PALLD: variants seen among roughly 807,000 people sequenced by gnomAD.
The protein encoded by PALLD is palladin, cytoskeletal associated protein, also known as palladin.
A neutral mutation model predicts 123.5 loss-of-function variants in PALLD; 61 were observed. The ratio of observed to expected loss-of-function variants is 0.49; its 90% CI spans 0.40 to 0.61. The LOEUF is 0.61. PALLD is among the 20% of genes least tolerant of loss of function. The pLI is 0.00. For missense variants in PALLD, 1,273 were observed against 1,377.0 expected, an observed-to-expected ratio of 0.92 and a Z score of 1.20; for synonymous variants, 465 against 496.4, an observed-to-expected ratio of 0.94 and a Z score of 0.84.
intron 2 of PALLD, chr4:168,598,715 C>A: frequency 2.5e-6 from 1 of 393,338 alleles, no homozygotes; most frequent in South Asian, 2.1e-5. Flanking sequence ...CAAGCTGTAC[C>A]CTTGCCTCCT....
chr4:168,574,230 G>A (rs1468372626), intron 2 of PALLD, among the ~76,000 whole-genome samples: 1 of 151,962 alleles, frequency 6.6e-6, no homozygotes, highest in Non-Finnish European at 1.5e-5. Flanking sequence ...TACTTTCAGT[G>A]GGTACAATGG....
At chr4:168,692,578 G>T (rs942811331) in intron 8 of PALLD, among the ~76,000 whole-genome samples, 3 of 152,198 alleles carry the variant, frequency 2.0e-5, no homozygotes, top group Non-Finnish European at 4.4e-5. Context: ...CACATCTTGT[G>T]CATTTGCTAT....
intron 3 of PALLD, among the ~76,000 whole-genome samples, chr4:168,680,497 A>C (rs947068623): frequency 2.8e-5 from 4 of 142,646 alleles, no homozygotes; most frequent in East Asian, 2.0e-4. Flanking sequence ...AAAAAAAAAA[A>C]AAAAAAAAAA....
At chr4:168,599,455 A>T (rs1396827075) in intron 2 of PALLD, among the ~76,000 whole-genome samples, 1 of 152,230 alleles carries the variant, frequency 6.6e-6, no homozygotes, top group African/African-American at 2.4e-5. Context: ...TCACTGTTAC[A>T]GATAGACTGT....
chr4:168,857,856 C>G (rs1388798400), intron 10 of PALLD, among the ~76,000 whole-genome samples: 1 of 152,232 alleles, frequency 6.6e-6, no homozygotes, highest in African/African-American at 2.4e-5. Flanking sequence ...TACCATAACA[C>G]AGGCATATAT....
At chr4:168,809,581 G>A (rs1740765655) in intron 10 of PALLD, among the ~76,000 whole-genome samples, 1 of 152,166 alleles carries the variant, frequency 6.6e-6, no homozygotes, top group South Asian at 2.1e-4. Context: ...CCAGACGTGG[G>A]GCTGGGCACT....
intron 10 of PALLD, among the ~76,000 whole-genome samples, chr4:168,776,691 A>G (rs1735212669): frequency 6.6e-6 from 1 of 152,196 alleles, no homozygotes; most frequent in Non-Finnish European, 1.5e-5. Flanking sequence ...TAGTTCACTT[A>G]GAATTTTTTA....
chr4:168,546,723 C>T (rs1313563578), intron 2 of PALLD, among the ~76,000 whole-genome samples: 1 of 152,170 alleles, frequency 6.6e-6, no homozygotes, highest in Non-Finnish European at 1.5e-5. Context: ...TTGTCACTGT[C>T]CCACTTAAAA....
intron 2 of PALLD, among the ~76,000 whole-genome samples, chr4:168,527,089 T>C (rs1470325165): frequency 6.6e-6 from 1 of 152,098 alleles, no homozygotes; most frequent in Non-Finnish European, 1.5e-5. Flanking sequence ...CTGTGAAAAA[T>C]TGTGTGTACT....
In PALLD at chr4:168,711,661, A is replaced by G. The variant is rs1784850175; in HGVS notation, c.1702A>G (p.Ile568Val). The G allele has an allele frequency of 1.1e-5, 17 of 1,614,004 alleles. No homozygotes were observed. Among genetic ancestry groups the G allele is most frequent in the Non-Finnish European group, 1.4e-5 (17 of 1,179,970 alleles). Residue 568 changes from isoleucine to valine, a missense_variant, in exon 10 of 22, where the codon ATC (isoleucine) becomes GTC (valine). By Grantham distance (29) the Ile-to-Val change is conservative (BLOSUM62 3). Coordinates refer to ENST00000505667, the MANE Select transcript of PALLD (RefSeq NM_001166108.2). The stretch of plus-strand genomic sequence containing the variant: ...CCAACACTTTCCACCTCCCCCTCCA[A>G]TCTTGGAGACAAGTTCCTTGGAGTT... ...HFQHFPPPPP[I>V]LETSSLELAS... is the part of the protein sequence containing the mutation.
chr4:168,797,044 G>T (rs1738612685), intron 10 of PALLD, among the ~76,000 whole-genome samples: 1 of 152,088 alleles, frequency 6.6e-6, no homozygotes, highest in Non-Finnish European at 1.5e-5. Flanking sequence ...TCACCAAATT[G>T]AGTTGTCTCT....
chr4:168,505,941 T>C (rs1219178623), intron 1 of PALLD: 1 of 152,242 alleles, frequency 6.6e-6, no homozygotes, highest in African/African-American at 2.4e-5. Context: ...TACTCAACTC[T>C]GACATTGGTT....
chr4:168,806,116 G>A (rs1290218687), intron 10 of PALLD, among the ~76,000 whole-genome samples: 1 of 152,192 alleles, frequency 6.6e-6, no homozygotes, highest in African/African-American at 2.4e-5. Context: ...AGGCTGGAAT[G>A]CAATGGTGCA....
chr4:168,536,027 T>C (rs1206386502), intron 2 of PALLD, among the ~76,000 whole-genome samples: 1 of 152,252 alleles, frequency 6.6e-6, no homozygotes, highest in Non-Finnish European at 1.5e-5. Context: ...TATACTCCTT[T>C]ATTTGTTTTG....
At chr4:168,578,964 A>G (rs1161224827) in intron 2 of PALLD, among the ~76,000 whole-genome samples, 1 of 152,144 alleles carries the variant, frequency 6.6e-6, no homozygotes, top group African/African-American at 2.4e-5. Context: ...TGTATGTGTC[A>G]ATTTCTAGTT....
At chr4:168,559,322 T>C (rs1192069300) in intron 2 of PALLD, among the ~76,000 whole-genome samples, 1 of 152,130 alleles carries the variant, frequency 6.6e-6, no homozygotes, top group Non-Finnish European at 1.5e-5. Context: ...GAAGATCAGG[T>C]CAGTTTTGCT....
intron 2 of PALLD, among the ~76,000 whole-genome samples, chr4:168,664,875 A>G (rs1219972061): frequency 6.6e-6 from 1 of 152,044 alleles, no homozygotes. Flanking sequence ...TGTGTGTTTG[A>G]TCTATGATTG....
intron 10 of PALLD, among the ~76,000 whole-genome samples, chr4:168,733,314 T>C (rs1384384393): frequency 6.6e-6 from 1 of 152,216 alleles, no homozygotes; most frequent in Non-Finnish European, 1.5e-5. Flanking sequence ...TAAATAAAAA[T>C]ATTTTCATTC....
At chr4:168,686,752 A>T (rs1325300877) in intron 6 of PALLD, 1 of 152,222 alleles carries the variant, frequency 6.6e-6, no homozygotes, top group Non-Finnish European at 1.5e-5. Context: ...TTGATATGGA[A>T]TTTAGCAACC....
Sources: allele counts gnomAD v4.1 joint callset (sites outside exome capture counted in the v4.1 genomes callset), GRCh38; gene constraint gnomAD v4.1.1; transcripts MANE v1.5; gene names NCBI Gene and HGNC (gene_info 2026-07-23, HGNC 2026-07-21).